The following SLC26A7 variants were observed in gnomAD, a reference collection of about 807,000 sequenced individuals.
SLC26A7 encodes anion exchange transporter.
SLC26A7 carries 59 observed loss-of-function variants against 82.5 expected under a neutral mutation model. That is an observed-to-expected ratio of 0.72 (90% confidence interval 0.58 to 0.89). The LOEUF (loss-of-function observed/expected upper bound fraction) is 0.89. Among genes scored for constraint, SLC26A7 ranks in the 40% least tolerant of loss-of-function variants. The pLI, the probability that SLC26A7 is intolerant of heterozygous loss-of-function variation, is 0.00. For synonymous variants in SLC26A7, 271 were observed against 274.3 expected (o/e 0.99, Z 0.12); for missense variants, 820 against 793.0 (o/e 1.03, Z -0.41).
At chr8:91,232,190 CAA>C (rs1586308430) in intron 2 of SLC26A7, among the ~76,000 whole-genome samples, 1 of 152,142 alleles carries the variant, frequency 6.6e-6, no homozygotes, top group South Asian at 2.1e-4. Context: ...TCATGGAACT[CAA>C]GTCTTTCAAT....
chr8:91,303,689 A>G (rs538618355), intron 4 of SLC26A7, among the ~76,000 whole-genome samples: 2 of 152,332 alleles, frequency 1.3e-5, no homozygotes, highest in African/African-American at 4.8e-5. Context: ...GACAACTGTA[A>G]GCTAAATAGG....
intron 9 of SLC26A7, chr8:91,344,126 G>A: frequency 2.0e-6 from 2 of 985,386 alleles, no homozygotes; most frequent in Non-Finnish European, 2.4e-6. Flanking sequence ...GGCATTGGCT[G>A]TCATACTTTT....
intron 5 of SLC26A7, among the ~76,000 whole-genome samples, chr8:91,318,581 T>C (rs182453014): frequency 6.6e-5 from 10 of 152,276 alleles, no homozygotes; most frequent in Non-Finnish European, 1.2e-4. Context: ...AATGATTCCT[T>C]GTAATGAACA....
intron 5 of SLC26A7, among the ~76,000 whole-genome samples, chr8:91,331,233 GC>G (rs1813071947): frequency 6.6e-6 from 1 of 152,098 alleles, no homozygotes. Context: ...ACACAACTGA[GC>G]CCATAACAAT....
At chr8:91,342,710 G>T (rs910895505) in intron 8 of SLC26A7, among the ~76,000 whole-genome samples, 2 of 152,238 alleles carry the variant, frequency 1.3e-5, no homozygotes, top group African/African-American at 2.4e-5. Flanking sequence ...ATACTGAGTA[G>T]CAGATTGGGT....
chr8:91,395,457 T>A lies in SLC26A7; in HGVS notation c.*360T>A, dbSNP rs1808542856. On this transcript the variant is annotated 3_prime_UTR_variant, in exon 19 of 19. Transcript: ENST00000276609. The stretch of plus-strand genomic sequence containing the variant: ...AGAAATACTTTTGTCATAGGTAATT[T>A]GGAACATTTACAAGCCATTTGTAAA... 4.5e-6 allele frequency: 1 copy of A among 220,066 alleles called. No individual in the cohort carries two copies. The highest frequency in any genetic ancestry group is 1.3e-4 in the East Asian group (1 of 7,602). 13.6% of individuals were successfully genotyped at this position (220,066 alleles called of 1,614,324 possible).
intron 4 of SLC26A7, among the ~76,000 whole-genome samples, chr8:91,298,347 A>G (rs889667746): frequency 3.3e-5 from 5 of 152,146 alleles, no homozygotes; most frequent in African/African-American, 1.2e-4. Flanking sequence ...CTATCTCTTC[A>G]ATTTTAACTT....
intron 11 of SLC26A7, among the ~76,000 whole-genome samples, chr8:91,356,356 G>A (rs1452322004): frequency 6.6e-6 from 1 of 151,916 alleles, no homozygotes; most frequent in Non-Finnish European, 1.5e-5. Context: ...CAGTGTAAAA[G>A]TGTTCCTGTT....
At chr8:91,370,660 G>A (rs185641349) in intron 15 of SLC26A7, among the ~76,000 whole-genome samples, 11 of 152,064 alleles carry the variant, frequency 7.2e-5, no homozygotes, top group African/African-American at 2.4e-4. Context: ...TGATGTGACC[G>A]TTGTCTCAGT....
chr8:91,231,207 A>G (rs574804765), intron 2 of SLC26A7, among the ~76,000 whole-genome samples: 35 of 152,356 alleles, frequency 2.3e-4, no homozygotes, highest in Middle Eastern at 3.4e-3. Context: ...TCAGCAGGCC[A>G]TTGGAAAGAA....
At chr8:91,319,401 G>GA (rs1410269394) in intron 5 of SLC26A7, among the ~76,000 whole-genome samples, 1 of 152,034 alleles carries the variant, frequency 6.6e-6, no homozygotes, top group Non-Finnish European at 1.5e-5. Context: ...TTTGATATGT[G>GA]AAAAAAATGG....
chr8:91,212,458 A>G (rs775336520), intron 1 of SLC26A7, among the ~76,000 whole-genome samples: 9 of 152,186 alleles, frequency 5.9e-5, no homozygotes, highest in South Asian at 2.1e-4. Context: ...AAGAGATTAG[A>G]CTGCGTAGGT....
intron 5 of SLC26A7, among the ~76,000 whole-genome samples, chr8:91,325,297 G>A (rs567562966): frequency 1.3e-5 from 2 of 152,246 alleles, no homozygotes; most frequent in South Asian, 2.1e-4. Context: ...GCCTGAAAGT[G>A]TTAATTCCCC....
At chr8:91,237,314 G>A (rs868408059) in intron 2 of SLC26A7, among the ~76,000 whole-genome samples, 7 of 152,122 alleles carry the variant, frequency 4.6e-5, no homozygotes, top group Non-Finnish European at 7.3e-5. Context: ...ACATAGCTAC[G>A]CTATAATTTT....
chr8:91,309,801 AT>A (rs530811178), intron 4 of SLC26A7, among the ~76,000 whole-genome samples: 292 of 151,932 alleles, frequency 1.9e-3, no homozygotes, highest in Non-Finnish European at 3.2e-3. Context: ...CTCTCCCCTG[AT>A]TTTTCCCTTG....
intron 2 of SLC26A7, among the ~76,000 whole-genome samples, chr8:91,254,934 G>C (rs1002720049): frequency 6.6e-6 from 1 of 152,054 alleles, no homozygotes; most frequent in Non-Finnish European, 1.5e-5. Flanking sequence ...GAATGACATT[G>C]ACTTAAAACA....
At chr8:91,357,854 C>T (rs1813916888) in intron 11 of SLC26A7, among the ~76,000 whole-genome samples, 2 of 152,112 alleles carry the variant, frequency 1.3e-5, no homozygotes, top group African/African-American at 4.8e-5. Flanking sequence ...TTTTTGCAAC[C>T]TACTCATCTG....
At chr8:91,231,084 G>A (rs1045961409) in intron 2 of SLC26A7, among the ~76,000 whole-genome samples, 6 of 152,162 alleles carry the variant, frequency 3.9e-5, no homozygotes, top group African/African-American at 1.2e-4. Context: ...TGGGTGCCAA[G>A]TAGCAAGGTA....
At chr8:91,321,988 G>A (rs1433613421) in intron 5 of SLC26A7, among the ~76,000 whole-genome samples, 1 of 152,234 alleles carries the variant, frequency 6.6e-6, no homozygotes, top group East Asian at 1.9e-4. Context: ...TGTTCATTAA[G>A]TGGAAGCCAT....
Sources: gnomAD v4.1 joint callset for allele counts (sites outside exome capture counted in the v4.1 genomes callset) on GRCh38, gnomAD v4.1.1 for gene constraint, MANE v1.5 for transcripts, NCBI Gene and HGNC (gene_info 2026-07-23, HGNC 2026-07-21) for gene names.